Variants in PDE8B observed in about 807,000 individuals in gnomAD.
PDE8B encodes the protein high affinity cAMP-specific and IBMX-insensitive 3',5'-cyclic phosphodiesterase 8B.
In PDE8B, 26 loss-of-function variants were observed where a neutral mutation model predicts 101.3. The ratio of observed to expected loss-of-function variants is 0.26; its 90% CI spans 0.19 to 0.36. PDE8B has a LOEUF of 0.36. Ranked by LOEUF, PDE8B falls within the 10% of genes least tolerant of loss-of-function variation. The pLI, the probability that PDE8B is intolerant of heterozygous loss-of-function variation, is 1.00. For missense variants in PDE8B, 810 were observed against 1,163.1 expected, an observed-to-expected ratio of 0.70 and a Z score of 4.42; for synonymous variants, 424 against 429.3, an observed-to-expected ratio of 0.99 and a Z score of 0.15.
chr5:77,283,870 A>G (rs1012174326), intron 1 of PDE8B, among the ~76,000 whole-genome samples: 8 of 152,180 alleles, frequency 5.3e-5, no homozygotes, highest in African/African-American at 1.9e-4. Flanking sequence ...AATTTGCTGG[A>G]TTATATGGAA....
rs114501519 is a variant in PDE8B, at chr5:77,221,354, G to T, written c.339+10090G>T. Among the ~76,000 whole-genome samples the T allele has an allele frequency of 3.8e-3, 576 of 152,216 alleles. 2 individuals are homozygous for T. The highest frequency in any genetic ancestry group is 0.013 in the African/African-American group (546 of 41,528). On this transcript the variant is annotated intron_variant, in intron 1 of 21. Coordinates refer to ENST00000264917, the MANE Select transcript of PDE8B (RefSeq NM_003719.5). Reference sequence around the variant, plus strand: ...CCTGTAGATTTTCCCCCAATCTAAAGTTTACTTATTGCATTCCCATGATGC... The same window carrying T: ...CCTGTAGATTTTCCCCCAATCTAAATTTTACTTATTGCATTCCCATGATGC...
chr5:77,342,714 A>G (rs932031159), intron 6 of PDE8B, among the ~76,000 whole-genome samples: 1 of 152,192 alleles, frequency 6.6e-6, no homozygotes, highest in African/African-American at 2.4e-5. Flanking sequence ...AGTTAAAACT[A>G]TGATAAACAA....
chr5:77,259,049 GACAC>G lies in PDE8B; in HGVS notation c.339+47802_339+47805del, dbSNP rs10552319. On this transcript the variant is annotated intron_variant, in intron 1 of 21. Coordinates refer to ENST00000264917, the MANE Select transcript of PDE8B (RefSeq NM_003719.5). Reference sequence around the variant, plus strand: ...TGCCTCCAACACACACACACACACAGACACACACACACACACACACCCCCGCCCC... The same window carrying G: ...TGCCTCCAACACACACACACACACAGACACACACACACACACCCCCGCCCC... 8.5e-4 allele frequency among the ~76,000 whole-genome samples: 65 copies of G among 76,714 alleles called. 2 individuals carry two copies. Among genetic ancestry groups the G allele is most frequent in the Non-Finnish European group, 1.5e-3 (57 of 37,848 alleles). 50.3% of individuals were successfully genotyped at this position (76,714 alleles called of 152,430 possible).
the PDE8B span, among the ~76,000 whole-genome samples, chr5:77,132,489 C>T: frequency 6.6e-6 from 1 of 152,160 alleles, no homozygotes; most frequent in Non-Finnish European, 1.5e-5. Flanking sequence ...CTTCTACATA[C>T]CTCTAAATAA....
chr5:77,407,417 C>T lies in PDE8B; in HGVS notation c.1325C>T (p.Ala442Val), dbSNP rs1188350862. The change falls in exon 13 of 22, where the codon GCG (alanine) becomes GTG (valine). Residue 442 changes from alanine to valine, a missense_variant. Physicochemically the swap from Ala to Val is moderately conservative, Grantham distance 64. This residue lies in a region of PDE8B where 325 missense variants were observed against 560.9 expected (regional missense o/e 0.58). Transcript: ENST00000264917. The part of the protein sequence containing the change: ...SLQNRRYPSM[A>V]RIHSMTIEAP... ...CAGAATCGTCGCTATCCGTCCATGG[C>T]GAGGATCCACTCCATGACCATCGAG... 2 of 1,613,910 alleles carry T rather than the reference C, an allele frequency of 1.2e-6. No homozygotes were observed. The highest frequency in any genetic ancestry group is 1.1e-5 in the South Asian group (1 of 91,070).
At chr5:77,126,176 C>T in the PDE8B span, among the ~76,000 whole-genome samples, 1 of 152,034 alleles carries the variant, frequency 6.6e-6, no homozygotes, top group East Asian at 1.9e-4. Context: ...GTCCCAGCTA[C>T]TCAGGAGGCT....
At chr5:77,222,851 A>G (rs554036090) in intron 1 of PDE8B, among the ~76,000 whole-genome samples, 1 of 152,310 alleles carries the variant, frequency 6.6e-6, no homozygotes, top group South Asian at 2.1e-4. Flanking sequence ...CCAGAGGCAG[A>G]ATTAAGGTCA....
At chr5:77,123,208 A>C in the PDE8B span, among the ~76,000 whole-genome samples, 1 of 152,166 alleles carries the variant, frequency 6.6e-6, no homozygotes, top group East Asian at 1.9e-4. Context: ...CAATCTCTGC[A>C]GAGTCCCGAG....
At chr5:77,118,556 C>G in the PDE8B span, 21 of 395,252 alleles carry the variant, frequency 5.3e-5, no homozygotes, top group East Asian at 5.7e-4. Flanking sequence ...TAAGCCATTT[C>G]TCTGCTTATT....
chr5:77,387,178 G>A (rs1386172144), intron 10 of PDE8B, among the ~76,000 whole-genome samples: 1 of 152,058 alleles, frequency 6.6e-6, no homozygotes, highest in Non-Finnish European at 1.5e-5. Context: ...TTTACAATTT[G>A]GTATGTTTTT....
Position 77,397,026 on chromosome 5 carries a change from A to ATTTTTTTTTTTTTTTTTTTTTTTTTTTT in PDE8B, c.1168-3198_1168-3197insTTTTTTTTTTTTTTTTTTTTTTTTTTTT, listed in dbSNP as rs71606290. ...TTGGTTTCTATATTTCCGATAAGAA[A>ATTTTTTTTTTTTTTTTTTTTTTTTTTTT]TTTTTTTTTTTTTTTTTTTTTTTTG... On this transcript the variant is annotated intron_variant, in intron 10 of 21. Coordinates refer to ENST00000264917, the MANE Select transcript of PDE8B (RefSeq NM_003719.5). Among the ~76,000 whole-genome samples the ATTTTTTTTTTTTTTTTTTTTTTTTTTTT allele has an allele frequency of 7.0e-4, 59 of 84,398 alleles. 4 individuals carry two copies. The highest frequency in any genetic ancestry group is 2.5e-3 in the East Asian group (6 of 2,390). The allele number at this position is 84,398 out of a possible 152,430, so 55.4% of individuals were successfully genotyped here. A position where few individuals can be genotyped will look rare whatever the true frequency, so the allele number is the denominator to read the frequency against.
At chr5:77,301,216 A>T (rs1769857828) in intron 1 of PDE8B, among the ~76,000 whole-genome samples, 1 of 152,202 alleles carries the variant, frequency 6.6e-6, no homozygotes, top group Admixed American at 6.5e-5. Flanking sequence ...ACAAGCAGGG[A>T]AGACATTTCA....
intron 2 of PDE8B, among the ~76,000 whole-genome samples, chr5:77,317,845 A>G (rs992736588): frequency 6.6e-6 from 1 of 152,008 alleles, no homozygotes; most frequent in African/African-American, 2.4e-5. Flanking sequence ...TAGCAAGGTC[A>G]CACATCTCCT....
chr5:77,331,816 T>A (rs945670403), intron 5 of PDE8B, among the ~76,000 whole-genome samples: 2 of 152,190 alleles, frequency 1.3e-5, no homozygotes, highest in Non-Finnish European at 2.9e-5. Flanking sequence ...CATAGATACA[T>A]CCACCAAATT....
chr5:77,417,455 C>T (rs971854140), intron 17 of PDE8B, among the ~76,000 whole-genome samples: 4 of 152,182 alleles, frequency 2.6e-5, no homozygotes, highest in Non-Finnish European at 4.4e-5. Flanking sequence ...TGGCACTATG[C>T]AGTGATAATT....
the PDE8B span, among the ~76,000 whole-genome samples, chr5:77,135,963 T>C: frequency 1.3e-5 from 2 of 152,154 alleles, no homozygotes; most frequent in South Asian, 4.1e-4. Context: ...ATTAGTTGGA[T>C]GTTGACCCCC....
chr5:77,156,705 G>A, the PDE8B span, among the ~76,000 whole-genome samples: 2 of 152,096 alleles, frequency 1.3e-5, no homozygotes, highest in African/African-American at 4.8e-5. Flanking sequence ...AGAAGAGAGG[G>A]TGGCTATCAC....
chr5:77,294,676 AAAGG>A (rs1768122397), intron 1 of PDE8B, among the ~76,000 whole-genome samples: 1 of 151,670 alleles, frequency 6.6e-6, no homozygotes, highest in Non-Finnish European at 1.5e-5. Context: ...AAAATCTAGG[AAAGG>A]AAGGTCGAAC....
At chr5:77,347,617 T>C (rs1357628495) in intron 7 of PDE8B, among the ~76,000 whole-genome samples, 2 of 151,966 alleles carry the variant, frequency 1.3e-5, no homozygotes, top group South Asian at 2.1e-4. Context: ...CCTTGAGGAG[T>C]TGAATGTCCA....
Sources: allele counts gnomAD v4.1 joint callset (sites outside exome capture counted in the v4.1 genomes callset), GRCh38; gene constraint gnomAD v4.1.1; regional missense constraint gnomAD v4.1.1; transcripts MANE v1.5; gene names NCBI Gene and HGNC (gene_info 2026-07-23, HGNC 2026-07-21).